The following P3H3 variants were observed in gnomAD, a reference collection of about 807,000 sequenced individuals.
The protein encoded by P3H3 is gene rich cluster, B.
A neutral mutation model predicts 78.1 loss-of-function variants in P3H3; 64 were observed. The observed-to-expected ratio is 0.82, with a 90% CI of 0.67 to 1.01. The LOEUF is 1.01. P3H3 is among the 50% of genes least tolerant of loss of function. The pLI, the probability that P3H3 is intolerant of heterozygous loss-of-function variation, is 0.00. For missense variants in P3H3, 975 were observed against 982.2 expected, an observed-to-expected ratio of 0.99 and a Z score of 0.10; for synonymous variants, 425 against 416.7, an observed-to-expected ratio of 1.02 and a Z score of -0.24.
Position 6,834,041 on chromosome 12 carries a change from C to T in P3H3, c.1450C>T (p.Leu484=). 1.9e-6 allele frequency: 3 copies of T among 1,613,484 alleles called. No individual in the cohort carries two copies. The highest frequency in any genetic ancestry group is 2.5e-6 in the Non-Finnish European group (3 of 1,179,840). Reference sequence around the variant, plus strand: ...AGCCGAGTGTGGGGTGCTGCTGCAGCTGGCTAAGGTAGGAAGACCTGCAAG... The same window carrying T: ...AGCCGAGTGTGGGGTGCTGCTGCAGTTGGCTAAGGTAGGAAGACCTGCAAG... The part of the protein sequence containing the change: ...TPAECGVLLQ[L]AKDAAGAGAR... The change falls in exon 9 of 15, where the codon CTG becomes TTG. Residue 484 remains leucine (L), a synonymous_variant. Transcript: ENST00000290510.
At chr12:6,832,805 T>C (rs1338599256) in intron 6 of P3H3, among the ~76,000 whole-genome samples, 1 of 150,534 alleles carries the variant, frequency 6.6e-6, no homozygotes, top group African/African-American at 2.4e-5. Flanking sequence ...TTTCACCATG[T>C]TGGCCAGGCT....
rs782772449 is a variant in P3H3, at chr12:6,833,770, C to T, written c.1294C>T (p.His432Tyr). Residue 432 changes from histidine to tyrosine, a missense_variant, in exon 8 of 15, where the codon CAT (histidine) becomes TAT (tyrosine). Physicochemically the swap from His to Tyr is moderately conservative, Grantham distance 83 (BLOSUM62 2). Transcript: ENST00000290510. The part of the protein sequence containing the change: ...REDQEKRPWD[H>Y]EPVKPKPLTY... ...GGATCAAGAGAAGAGGCCTTGGGAC[C>T]ATGAGCCCGTGAAGCCAAAGCCCTT... 2.5e-6 allele frequency: 4 copies of T among 1,611,564 alleles called. No individual in the cohort carries two copies. In the South Asian group the frequency reaches 3.3e-5, roughly 13 times the overall value.
chr12:6,838,188 T>A, intron 13 of P3H3, 155 bp downstream of exon 13: 1 of 996,608 alleles, frequency 1.0e-6, no homozygotes, highest in Non-Finnish European at 1.5e-6. Context: ...GCTTCCTCCG[T>A]AGCAAGGTCT....
Position 6,837,568 on chromosome 12 carries a change from T to C in P3H3, c.1706T>C (p.Ile569Thr), listed in dbSNP as rs1943512179. The C allele has an allele frequency of 1.2e-6, 2 of 1,612,118 alleles. No individual in the cohort carries two copies. The highest frequency in any genetic ancestry group is 2.2e-5 in the East Asian group (1 of 44,768). Residue 569 changes from isoleucine (I) to threonine (T), a missense_variant, in exon 11 of 15, where the codon ATA (isoleucine) becomes ACA (threonine). By Grantham distance (89) the Ile-to-Thr change is moderately conservative. Transcript: ENST00000290510. ...SFTHLVCRSAIEGEQEQRMDL... is the reference protein window; with the variant it reads ...SFTHLVCRSATEGEQEQRMDL... ...ACCCACCTGGTGTGCCGCAGCGCCA[T>C]AGAAGGTACGACAGGGACCCCCCAC...
intron 2 of P3H3, 73 bp downstream of exon 2, chr12:6,830,084 G>C (rs1657867114): frequency 1.3e-6 from 2 of 1,572,402 alleles, no homozygotes; most frequent in Non-Finnish European, 1.7e-6. Context: ...TCACTAAACT[G>C]TGCGTTGTGC....
chr12:6,830,291 C>A, intron 2 of P3H3, 62 bp from the exon 3 acceptor site: 1 of 1,499,738 alleles, frequency 6.7e-7, no homozygotes, highest in Non-Finnish European at 9.1e-7. Context: ...CCCCTCTCCT[C>A]TCTACCTCCC....
chr12:6,835,288 C>G (rs1292192214), intron 9 of P3H3, among the ~76,000 whole-genome samples: 4 of 151,978 alleles, frequency 2.6e-5, no homozygotes, highest in African/African-American at 7.3e-5. Context: ...TCTTAGAACA[C>G]AGAATCATCA....
rs1555122451 is a variant in P3H3, at chr12:6,837,858, C to T, written c.1829+9C>T. The T allele has an allele frequency of 6.2e-7, 1 of 1,604,220 alleles. No individual in the cohort carries two copies. Among genetic ancestry groups the T allele is most frequent in the Non-Finnish European group, 8.5e-7 (1 of 1,175,386 alleles). ...ACCTATCGGGACTACAGGTGGGCAG[C>T]CCCTCTAGTGGTCAGGCAGGTGGGC... On this transcript the variant is annotated intron_variant, in intron 12 of 14. Transcript: ENST00000290510.
chr12:6,839,431 A>G lies in P3H3; in HGVS notation c.2181A>G (p.Gly727=). ...ACCAGAGGGTCCAAGACAAGACTGG[A>G]AGGGCACCTCGGGTTCGGGAGGAGC... ...RRHQRVQDKT[G]RAPRVREEL The change falls in exon 15 of 15, where the codon GGA becomes GGG. Residue 727 remains glycine (G), a synonymous_variant. Coordinates refer to ENST00000290510, the MANE Select transcript of P3H3 (RefSeq NM_014262.5). 6.4e-7 allele frequency: 1 copy of G among 1,551,734 alleles called. No individual in the cohort carries two copies.
At position 6,828,513 on chromosome 12, in the gene P3H3, C is replaced by A; in HGVS notation, c.73C>A (p.Leu25Met). The change falls in exon 1 of 15, where the codon CTG (leucine) becomes ATG (methionine). Residue 25 changes from leucine to methionine, a missense_variant. Transcript: ENST00000290510. ...PPPGSPEPPG[L>M]TQLSPGAPPQ... is the part of the protein sequence containing the mutation. Reference sequence around the variant, plus strand: ...CCCGGGGTCCCCTGAGCCCCCCGGCCTGACCCAGCTGTCCCCGGGGGCGCC... The same window carrying A: ...CCCGGGGTCCCCTGAGCCCCCCGGCATGACCCAGCTGTCCCCGGGGGCGCC... 1 of 1,333,390 alleles carries A rather than the reference C, an allele frequency of 7.5e-7. No homozygotes were observed. Among genetic ancestry groups the A allele is most frequent in the South Asian group, 1.8e-5 (1 of 55,902 alleles). 82.6% of individuals were successfully genotyped at this position (1,333,390 alleles called of 1,614,324 possible).
Position 6,839,777 on chromosome 12 carries a change from T to G in P3H3, c.*316T>G. 1.5e-5 allele frequency: 5 copies of G among 333,310 alleles called. No homozygotes were observed. Among genetic ancestry groups the G allele is most frequent in the Non-Finnish European group, 1.1e-5 (2 of 176,394 alleles). The allele number at this position is 333,310 out of a possible 1,614,324, so 20.6% of individuals were successfully genotyped here. A position where few individuals can be genotyped will look rare whatever the true frequency, so the allele number is the denominator to read the frequency against. On this transcript the variant is annotated 3_prime_UTR_variant, in exon 15 of 15. Coordinates refer to ENST00000290510, the MANE Select transcript of P3H3 (RefSeq NM_014262.5). Reference sequence around the variant, plus strand: ...AGGCTGATGCTTTAAATGAAGAGGATGGTGGGGTTGGGAGGTATAACCCTG... The same window carrying G: ...AGGCTGATGCTTTAAATGAAGAGGAGGGTGGGGTTGGGAGGTATAACCCTG...
chr12:6,835,141 G>A (rs532448270), intron 9 of P3H3, among the ~76,000 whole-genome samples: 9 of 152,184 alleles, frequency 5.9e-5, no homozygotes, highest in Admixed American at 5.9e-4. Flanking sequence ...CAGCTCCATA[G>A]TCATTACCTG....
At chr12:6,830,218 C>A (rs1415466181) in intron 2 of P3H3, 135 bp from the exon 3 acceptor site, 4 of 1,032,580 alleles carry the variant, frequency 3.9e-6, no homozygotes, top group Non-Finnish European at 5.7e-6. Flanking sequence ...ATTCTGAGGC[C>A]CACCCTTATT....
intron 4 of P3H3, 91 bp downstream of exon 4, chr12:6,830,861 G>T: frequency 6.4e-7 from 1 of 1,563,774 alleles, no homozygotes; most frequent in South Asian, 1.1e-5. Context: ...TCTGTCTCTG[G>T]ATTTGTAGTT....
chr12:6,830,807 T>C (rs1211775962), intron 4 of P3H3, 37 bp downstream of exon 4: 4 of 1,613,190 alleles, frequency 2.5e-6, no homozygotes, highest in Non-Finnish European at 3.4e-6. Flanking sequence ...GAGTGAAGAT[T>C]TGCCTCTGCT....
Position 6,828,640 on chromosome 12 carries a change from A to C in P3H3, c.200A>C (p.Gln67Pro), listed in dbSNP as rs1943408763. The C allele has an allele frequency of 1.6e-6, 2 of 1,216,354 alleles. No homozygotes were observed. Among genetic ancestry groups the C allele is most frequent in the African/African-American group, 1.6e-5 (1 of 63,340 alleles). The allele number at this position is 1,216,354 out of a possible 1,614,324, so 75.3% of individuals were successfully genotyped here. A position where few individuals can be genotyped will look rare whatever the true frequency, so the allele number is the denominator to read the frequency against. ...VALLREALRS[Q>P]AALGRVRLDC... The stretch of plus-strand genomic sequence containing the variant: ...CTGCTGCGGGAGGCGCTGCGGAGCC[A>C]GGCGGCGCTGGGCCGGGTGCGGCTG... Residue 67 changes from glutamine (Q) to proline (P), a missense_variant, in exon 1 of 15, where the codon CAG becomes CCG. By Grantham distance (76) the Gln-to-Pro change is moderately conservative. Transcript: ENST00000290510.
chr12:6,828,879 C>G lies in P3H3; in HGVS notation c.439C>G (p.Leu147Val). 1 of 1,247,528 alleles carries G rather than the reference C, an allele frequency of 8.0e-7. No individual in the cohort carries two copies. The highest frequency in any genetic ancestry group is 1.0e-6 in the Non-Finnish European group (1 of 995,890). 77.3% of individuals were successfully genotyped at this position (1,247,528 alleles called of 1,614,324 possible). ...GAARLRVGSA[L>V]RDAFRRREPY... is the part of the protein sequence containing the mutation. ...GGCGCGGCTTCGCGTGGGGAGCGCGCTCCGGGACGCCTTCCGCCGTCGGGA... is the reference window on the plus strand; with the variant it reads ...GGCGCGGCTTCGCGTGGGGAGCGCGGTCCGGGACGCCTTCCGCCGTCGGGA... Residue 147 changes from leucine to valine, a missense_variant, in exon 1 of 15, where the codon CTC becomes GTC. Transcript: ENST00000290510.
In P3H3 at chr12:6,828,738, G is replaced by T; in HGVS notation, c.298G>T (p.Asp100Tyr). 3 of 1,246,254 alleles carry T rather than the reference G, an allele frequency of 2.4e-6. No individual in the cohort carries two copies. The highest frequency in any genetic ancestry group is 6.7e-5 in the South Asian group (2 of 29,862). 77.2% of individuals were successfully genotyped at this position (1,246,254 alleles called of 1,614,324 possible). The stretch of plus-strand genomic sequence containing the variant: ...CGTGCTTCTCGGGGCCCCGGAGCCC[G>T]ACTCCGGGCCGGGACCCACGCAGGG... ...PAVLLGAPEP[D>Y]SGPGPTQGSW... Residue 100 changes from aspartate to tyrosine, a missense_variant, in exon 1 of 15, where the codon GAC becomes TAC. Transcript: ENST00000290510.
chr12:6,830,478 G>A lies in P3H3; in HGVS notation c.777G>A (p.Gly259=), dbSNP rs1181391875. Residue 259 remains glycine, a synonymous_variant, in exon 3 of 15, where the codon GGG becomes GGA. Coordinates refer to ENST00000290510, the MANE Select transcript of P3H3 (RefSeq NM_014262.5). ...QMESCRADCE[G]PEEQQGAEEE... ...AGAGCTGCCGTGCTGACTGTGAGGGGCCTGAGGAGCAGCAGGGGGCTGAAG... is the reference window on the plus strand; with the variant it reads ...AGAGCTGCCGTGCTGACTGTGAGGGACCTGAGGAGCAGCAGGGGGCTGAAG... 6 of 1,587,344 alleles carry A rather than the reference G, an allele frequency of 3.8e-6. No individual in the cohort carries two copies. Among genetic ancestry groups the A allele is most frequent in the Non-Finnish European group, 4.3e-6 (5 of 1,167,820 alleles).
Sources: gnomAD v4.1 joint callset for allele counts (sites outside exome capture counted in the v4.1 genomes callset) on GRCh38, gnomAD v4.1.1 for gene constraint, MANE v1.5 for transcripts, NCBI Gene and HGNC (gene_info 2026-07-23, HGNC 2026-07-21) for gene names.